AFDN: variants seen among roughly 807,000 people sequenced by gnomAD.
The protein encoded by AFDN is afadin.
A neutral mutation model predicts 216.6 loss-of-function variants in AFDN; 68 were observed. That is an observed-to-expected ratio of 0.31 (90% CI 0.26 to 0.38). The LOEUF is 0.38. Among genes scored for constraint, AFDN ranks in the 10% least tolerant of loss-of-function variants. The pLI, the probability that AFDN is intolerant of heterozygous loss-of-function variation, is 1.00. For missense variants in AFDN, 2,136 were observed against 2,342.0 expected, an observed-to-expected ratio of 0.91 and a Z score of 1.82; for synonymous variants, 868 against 853.7, an observed-to-expected ratio of 1.02 and a Z score of -0.29.
intron 6 of AFDN, among the ~76,000 whole-genome samples, chr6:167,886,293 A>G (rs1202978875): frequency 6.6e-6 from 1 of 152,190 alleles, no homozygotes; most frequent in Non-Finnish European, 1.5e-5. Context: ...AGTATCAATA[A>G]AATTGAAGGA....
intron 23 of AFDN, among the ~76,000 whole-genome samples, chr6:167,936,293 G>C (rs1793991024): frequency 6.6e-6 from 1 of 152,120 alleles, no homozygotes; most frequent in African/African-American, 2.4e-5. Flanking sequence ...GATTGTTTTT[G>C]GTTGGTAGCT....
intron 13 of AFDN, among the ~76,000 whole-genome samples, chr6:167,909,022 C>T (rs1790062326): frequency 6.6e-6 from 1 of 151,968 alleles, no homozygotes; most frequent in Non-Finnish European, 1.5e-5. Flanking sequence ...ACAATGTAAA[C>T]ACTTTTTTAC....
In AFDN at chr6:167,937,348, C is replaced by T. The variant is rs6912734; in HGVS notation, c.3100-5781C>T. On this transcript the variant is annotated intron_variant, in intron 23 of 33. Transcript: ENST00000683244. ...GATCAAATTCCATTTTTATGATCAA[C>T]CTTGAATAGACCTTTTAGATTTTAA... is the stretch of plus-strand genomic sequence containing the variant. 7.0e-3 allele frequency among the ~76,000 whole-genome samples: 1,066 copies of T among 152,286 alleles called. 15 individuals carry two copies. The highest frequency in any genetic ancestry group is 0.024 in the African/African-American group (1,014 of 41,560).
Position 167,918,754 on chromosome 6 carries a change from T to C in AFDN, c.2729T>C (p.Val910Ala). ...FIPTDLIENV[V>A]TVAENTADEL... Reference sequence around the variant, plus strand: ...AAACAGGATCTTATAGAAAATGTAGTGACTGTGGCTGAAAACACTGCCGAT... The same window carrying C: ...AAACAGGATCTTATAGAAAATGTAGCGACTGTGGCTGAAAACACTGCCGAT... The change falls in exon 21 of 34, where the codon GTG (valine) becomes GCG (alanine). Residue 910 changes from valine (V) to alanine (A), a missense_variant. By Grantham distance (64) the Val-to-Ala change is moderately conservative. Coordinates refer to ENST00000683244, the MANE Select transcript of AFDN (RefSeq NM_001386888.1). The C allele has an allele frequency of 1.2e-6, 2 of 1,614,170 alleles. No homozygotes were observed. The highest frequency in any genetic ancestry group is 2.2e-5 in the South Asian group (2 of 91,084).
At chr6:167,950,633 T>C (rs1562734232) in intron 29 of AFDN, among the ~76,000 whole-genome samples, 1 of 152,170 alleles carries the variant, frequency 6.6e-6, no homozygotes, top group African/African-American at 2.4e-5. Context: ...GATGGTTACA[T>C]GGTTAAGATT....
rs1179573655 is a variant in AFDN at position 167,962,314 on chromosome 6, A to G, written c.4834-119A>G. ...CAGTGATTTTAACCTGGTATTTTAT[A>G]TTTAACTTTCTGTGTGTGTGTGTTT... On this transcript the variant is annotated intron_variant, in intron 30 of 33. Coordinates refer to ENST00000683244, the MANE Select transcript of AFDN (RefSeq NM_001386888.1). This position sits in a 1 kb window ranked among gnomAD's most constrained non-coding sequence, Gnocchi z 5.2. 1.5e-6 allele frequency: 2 copies of G among 1,341,640 alleles called. No homozygotes were observed. Among genetic ancestry groups the G allele is most frequent in the African/African-American group, 1.5e-5 (1 of 68,696 alleles). 83.1% of individuals were successfully genotyped at this position (1,341,640 alleles called of 1,614,324 possible). A position where few individuals can be genotyped will look rare whatever the true frequency, so the allele number is the denominator to read the frequency against.
At position 167,964,614 on chromosome 6, in the gene AFDN, CTGTGTGTGTGTGTGTG is replaced by C. The variant is rs369928994; in HGVS notation, c.4969-1111_4969-1096del. ...GAAGGAGTGACATTGCGTATTCACTCTGTGTGTGTGTGTGTGTGTGTGTGTGTGTGTGTGTGTGTGT... is the reference window on the plus strand; with the variant it reads ...GAAGGAGTGACATTGCGTATTCACTCTGTGTGTGTGTGTGTGTGTGTGTGT... On this transcript the variant is annotated intron_variant, in intron 31 of 33. Coordinates refer to ENST00000683244, the MANE Select transcript of AFDN (RefSeq NM_001386888.1). 1,177 of 960,160 alleles carry C rather than the reference CTGTGTGTGTGTGTGTG, an allele frequency of 1.2e-3. 1 individual carries two copies. Among genetic ancestry groups the C allele is most frequent in the African/African-American group, 6.6e-3 (370 of 55,680 alleles). The allele number at this position is 960,160 out of a possible 1,614,324, so 59.5% of individuals were successfully genotyped here.
At chr6:167,902,424 C>T in intron 12 of AFDN, 38 bp downstream of exon 12, 1 of 1,440,366 alleles carries the variant, frequency 6.9e-7, no homozygotes, top group Non-Finnish European at 9.8e-7. Flanking sequence ...AGTGTGCTTG[C>T]TATAGGACAC....
At chr6:167,896,602 G>A (rs1788285412) in intron 9 of AFDN, among the ~76,000 whole-genome samples, 1 of 152,204 alleles carries the variant, frequency 6.6e-6, no homozygotes, top group Admixed American at 6.5e-5. Flanking sequence ...CCAGGGCAGT[G>A]CGGTAGAGAA....
intron 1 of AFDN, among the ~76,000 whole-genome samples, chr6:167,830,693 A>T (rs1200498788): frequency 6.6e-6 from 1 of 152,188 alleles, no homozygotes; most frequent in African/African-American, 2.4e-5. Flanking sequence ...TTATGTGGAC[A>T]CCTACATATG....
In AFDN at chr6:167,864,493, A is replaced by T. The variant is rs555458101; in HGVS notation, c.106-58A>T. The T allele has an allele frequency of 3.1e-5, 46 of 1,480,826 alleles. No homozygotes were observed. The African/African-American group carries it at 6.1e-4, about 20-fold the overall frequency. 91.7% of individuals were successfully genotyped at this position (1,480,826 alleles called of 1,614,324 possible). ...AGACTTCCTCATTTATTATTACAAA[A>T]AGTGAATCCTTTTCAGAATGTTGTT... is the stretch of plus-strand genomic sequence containing the variant. On this transcript the variant is annotated intron_variant, in intron 1 of 33. Transcript: ENST00000683244.
chr6:167,917,029 T>C (rs955484114), intron 19 of AFDN, 60 bp from the exon 20 acceptor site: 1 of 1,432,738 alleles, frequency 7.0e-7, no homozygotes. Flanking sequence ...ACATAAAGGA[T>C]AATATTTTTG....
rs1198063216 is a variant in AFDN at position 167,962,498 on chromosome 6, C to T, written c.4899C>T (p.Asp1633=). The T allele has an allele frequency of 1.9e-6, 3 of 1,613,516 alleles. No homozygotes were observed. The highest frequency in any genetic ancestry group is 2.5e-6 in the Non-Finnish European group (3 of 1,179,700). ...LEEMRKREAE[D]RARQEEERRR... ...AGATGCGCAAGCGGGAAGCGGAAGA[C>T]CGAGCGAGGCAAGAGGAAGAGCGCC... Residue 1633 remains aspartate (D), a synonymous_variant, in exon 31 of 34, where the codon GAC becomes GAT. Transcript: ENST00000683244. This position sits in a 1 kb window ranked among gnomAD's most constrained non-coding sequence, Gnocchi z 5.2.
At chr6:167,909,969 T>C (rs1790183351) in intron 13 of AFDN, among the ~76,000 whole-genome samples, 1 of 152,208 alleles carries the variant, frequency 6.6e-6, no homozygotes, top group Non-Finnish European at 1.5e-5. Flanking sequence ...TTTCGCTGGT[T>C]TTTGGTAAAT....
intron 22 of AFDN, among the ~76,000 whole-genome samples, chr6:167,923,697 T>C (rs626844): frequency 0.7 from 104,483 of 149,806 alleles, 37,025 homozygotes; most frequent in East Asian, 0.87. Flanking sequence ...CGATTTGGCT[T>C]ATTGCAACCT....
At chr6:167,864,513 GTTGTTT>G (rs776737785) in intron 1 of AFDN, 32 bp from the exon 2 acceptor site, 8 of 1,558,360 alleles carry the variant, frequency 5.1e-6, no homozygotes, top group Non-Finnish European at 7.1e-6. Flanking sequence ...TTTTCAGAAT[GTTGTTT>G]TCCAAAAATG....
rs1203221146 is a variant in AFDN, at chr6:167,860,808, T to C, written c.106-3743T>C. On this transcript the variant is annotated intron_variant, in intron 1 of 33. Coordinates refer to ENST00000683244, the MANE Select transcript of AFDN (RefSeq NM_001386888.1). ...CGGAGTCCCTCGTGAGCAGGAAGAA[T>C]ACTTGTATTTGAATGCCAGGCCTGT... is the stretch of plus-strand genomic sequence containing the variant. Among the ~76,000 whole-genome samples the C allele has an allele frequency of 3.3e-5, 5 of 152,194 alleles. No individual in the cohort carries two copies. In the East Asian group the frequency reaches 9.6e-4, roughly 29 times the overall value.
chr6:167,930,394 A>T (rs1407063819), intron 23 of AFDN, among the ~76,000 whole-genome samples: 1 of 152,198 alleles, frequency 6.6e-6, no homozygotes, highest in East Asian at 1.9e-4. Context: ...GAGACAGAAT[A>T]ATATGAGTGA....
chr6:167,965,192 C>T (rs950301933), intron 31 of AFDN: 2 of 524,314 alleles, frequency 3.8e-6, no homozygotes, highest in Non-Finnish European at 4.9e-6. Flanking sequence ...AATCTCCTTC[C>T]TGATAACTGA....
Sources: gnomAD v4.1 joint callset for allele counts (sites outside exome capture counted in the v4.1 genomes callset) on GRCh38, gnomAD v4.1.1 for gene constraint, Gnocchi (gnomAD v3.1) non-coding constraint, MANE v1.5 for transcripts, NCBI Gene and HGNC (gene_info 2026-07-23, HGNC 2026-07-21) for gene names.